Variants in CSMD1 observed in about 807,000 individuals in gnomAD.
CSMD1 encodes CUB and Sushi multiple domains 1, also known as CUB and sushi domain-containing protein 1.
A neutral mutation model predicts 417.5 loss-of-function variants in CSMD1; 213 were observed. The observed-to-expected ratio is 0.51, with a 90% CI of 0.46 to 0.57. The LOEUF (loss-of-function observed/expected upper bound fraction) is 0.57, where lower values mean the gene tolerates loss of function less well. Ranked by LOEUF, CSMD1 falls within the 20% of genes least tolerant of loss-of-function variation. CSMD1 has a pLI of 0.00. For synonymous variants in CSMD1, 2,862 were observed against 1,736.8 expected (o/e 1.65, Z -16.11); for missense variants, 6,923 against 4,529.7 (o/e 1.53, Z -15.17).
intron 2 of CSMD1, among the ~76,000 whole-genome samples, chr8:4,546,615 T>C (rs1797649076): frequency 6.6e-6 from 1 of 152,194 alleles, no homozygotes; most frequent in Non-Finnish European, 1.5e-5. Context: ...CCACTAACTC[T>C]TCTTGCTCTC....
chr8:4,399,878 A>T (rs1451664464), intron 3 of CSMD1, among the ~76,000 whole-genome samples: 1 of 152,212 alleles, frequency 6.6e-6, no homozygotes, highest in Non-Finnish European at 1.5e-5. Context: ...GTACCAAAGT[A>T]GTAAATATCA....
In CSMD1 at chr8:4,264,342, T is replaced by A. The variant is rs76180985; in HGVS notation, c.415+155611A>T. 3.1e-4 allele frequency among the ~76,000 whole-genome samples: 47 copies of A among 152,310 alleles called. No homozygotes were observed. The East Asian group carries it at 7.1e-3, about 23-fold the overall frequency. Reference sequence around the variant, plus strand: ...TTCAATTTTCAGGAAAAATACTCATTCAGAATAAGAGCTCCTGTCTTTCCA... The same window carrying A: ...TTCAATTTTCAGGAAAAATACTCATACAGAATAAGAGCTCCTGTCTTTCCA... On this transcript the variant is annotated intron_variant, in intron 3 of 69. Coordinates refer to ENST00000635120, the MANE Select transcript of CSMD1 (RefSeq NM_033225.6).
At chr8:3,917,095 G>T (rs574680086) in intron 5 of CSMD1, among the ~76,000 whole-genome samples, 2 of 152,162 alleles carry the variant, frequency 1.3e-5, no homozygotes, top group South Asian at 4.2e-4. Context: ...CATTTATTCA[G>T]AATTTTAAAA....
intron 3 of CSMD1, among the ~76,000 whole-genome samples, chr8:4,119,961 A>G (rs1309200718): frequency 6.6e-6 from 1 of 150,614 alleles, no homozygotes; most frequent in East Asian, 2.0e-4. Flanking sequence ...CAAAAAAATT[A>G]GTTTAAAAGA....
chr8:3,546,935 T>A (rs1175217366), intron 10 of CSMD1, among the ~76,000 whole-genome samples: 1 of 152,180 alleles, frequency 6.6e-6, no homozygotes, highest in African/African-American at 2.4e-5. Context: ...AGGGAGGATA[T>A]CAGAGGTCTT....
chr8:3,097,968 T>G (rs1410285153), intron 46 of CSMD1, among the ~76,000 whole-genome samples: 1 of 152,218 alleles, frequency 6.6e-6, no homozygotes, highest in East Asian at 1.9e-4. Context: ...CTCTTGCTTT[T>G]TGAAAAATTA....
chr8:3,241,280 GT>G (rs1039296358), intron 26 of CSMD1, among the ~76,000 whole-genome samples: 3 of 150,590 alleles, frequency 2.0e-5, no homozygotes, highest in African/African-American at 7.3e-5. Flanking sequence ...GTTTTAAGAG[GT>G]TTAGAAGCCT....
At chr8:3,625,689 G>A (rs981098100) in intron 7 of CSMD1, among the ~76,000 whole-genome samples, 2 of 151,904 alleles carry the variant, frequency 1.3e-5, no homozygotes, top group African/African-American at 2.4e-5. Flanking sequence ...AAAATAAAAC[G>A]ATTTGGCATT....
At chr8:4,885,456 C>A (rs997270872) in intron 1 of CSMD1, among the ~76,000 whole-genome samples, 3 of 152,020 alleles carry the variant, frequency 2.0e-5, no homozygotes, top group African/African-American at 7.3e-5. Flanking sequence ...TAAGTATAAT[C>A]TTACATGTGC....
intron 3 of CSMD1, among the ~76,000 whole-genome samples, chr8:4,300,535 C>T (rs1010283895): frequency 5.9e-5 from 9 of 151,950 alleles, no homozygotes; most frequent in African/African-American, 2.2e-4. Context: ...CTTTTTTTTA[C>T]ATTTTATTAT....
intron 5 of CSMD1, among the ~76,000 whole-genome samples, chr8:3,955,502 T>G (rs1158359502): frequency 6.6e-6 from 1 of 152,218 alleles, no homozygotes; most frequent in African/African-American, 2.4e-5. Flanking sequence ...TACTCATGTT[T>G]GAAGCTGTCA....
At chr8:2,974,364 T>C (rs1025868976) in intron 56 of CSMD1, 87 bp downstream of exon 56, 3 of 1,264,626 alleles carry the variant, frequency 2.4e-6, no homozygotes, top group Admixed American at 2.8e-5. Context: ...GCTTTTCAAA[T>C]AACTGTAAAT....
intron 3 of CSMD1, among the ~76,000 whole-genome samples, chr8:4,081,327 G>C (rs111481767): frequency 5.9e-4 from 90 of 152,262 alleles, no homozygotes; most frequent in African/African-American, 2.0e-3. Context: ...ACGTTGAATA[G>C]GTTTGATAGG....
intron 26 of CSMD1, among the ~76,000 whole-genome samples, chr8:3,251,021 C>T (rs887020406): frequency 6.6e-6 from 1 of 152,108 alleles, no homozygotes; most frequent in African/African-American, 2.4e-5. Flanking sequence ...GTTGCCTGTT[C>T]ACTCTGATGG....
At chr8:2,973,808 G>A (rs1286251746) in intron 56 of CSMD1, among the ~76,000 whole-genome samples, 9 of 152,110 alleles carry the variant, frequency 5.9e-5, no homozygotes, top group Admixed American at 3.9e-4. Flanking sequence ...GGACCCATGC[G>A]GTTAATGGTG....
chr8:3,873,305 A>T (rs1805605213), intron 5 of CSMD1, among the ~76,000 whole-genome samples: 1 of 152,150 alleles, frequency 6.6e-6, no homozygotes. Context: ...AATCAACCTA[A>T]ATGCCCATCA....
At chr8:4,964,115 C>G (rs1328373396) in intron 1 of CSMD1, among the ~76,000 whole-genome samples, 2 of 152,026 alleles carry the variant, frequency 1.3e-5, no homozygotes, top group African/African-American at 4.8e-5. Context: ...TCAAGTGGCA[C>G]TATCTTCATT....
At chr8:3,316,549 C>G (rs574418569) in intron 23 of CSMD1, among the ~76,000 whole-genome samples, 1 of 152,134 alleles carries the variant, frequency 6.6e-6, no homozygotes, top group Admixed American at 6.5e-5. Flanking sequence ...AGGGTTTGAG[C>G]AGGTCTAGGG....
chr8:4,800,061 T>A (rs1356354267), intron 1 of CSMD1, among the ~76,000 whole-genome samples: 1 of 152,166 alleles, frequency 6.6e-6, no homozygotes, highest in Admixed American at 6.5e-5. Flanking sequence ...ACCAAAAATT[T>A]GAATGATATA....
Sources: gnomAD v4.1 joint callset for allele counts (sites outside exome capture counted in the v4.1 genomes callset) on GRCh38, gnomAD v4.1.1 for gene constraint, MANE v1.5 for transcripts, NCBI Gene and HGNC (gene_info 2026-07-23, HGNC 2026-07-21) for gene names.